Variants in BMP7 observed in about 807,000 individuals in gnomAD.
The protein encoded by BMP7 is osteogenic protein 1.
Under a neutral mutation model 41.2 loss-of-function variants are expected in BMP7, and 12 were observed. The ratio of observed to expected loss-of-function variants is 0.29; its 90% CI spans 0.19 to 0.47. The LOEUF (loss-of-function observed/expected upper bound fraction) is 0.47. Among genes scored for constraint, BMP7 ranks in the 20% least tolerant of loss-of-function variants. The pLI is 0.99. For synonymous variants in BMP7, 248 were observed against 250.0 expected (o/e 0.99, Z 0.07); for missense variants, 467 against 606.0 (o/e 0.77, Z 2.41).
chr20:57,176,794 G>A (rs1281236471), intron 4 of BMP7, among the ~76,000 whole-genome samples: 1 of 58,204 alleles, frequency 1.7e-5, no homozygotes, highest in Non-Finnish European at 4.2e-5. Context: ...ACACACACCT[G>A]TTAACTGTTT....
chr20:57,265,241 C>T (rs1020200040), intron 1 of BMP7, among the ~76,000 whole-genome samples: 1 of 152,160 alleles, frequency 6.6e-6, no homozygotes, highest in Non-Finnish European at 1.5e-5. Flanking sequence ...ACAGGTAGGG[C>T]TTGACAGGGA....
chr20:57,249,971 G>C (rs374548137), intron 1 of BMP7, among the ~76,000 whole-genome samples: 2 of 152,294 alleles, frequency 1.3e-5, no homozygotes, highest in African/African-American at 4.8e-5. Flanking sequence ...TCAGTAACTT[G>C]CCTGAGGACA....
intron 3 of BMP7, among the ~76,000 whole-genome samples, chr20:57,184,712 C>T (rs1421514631): frequency 6.6e-6 from 1 of 152,092 alleles, no homozygotes; most frequent in African/African-American, 2.4e-5. Context: ...TAGGATGAGC[C>T]TTAATCCAGT....
In BMP7 at chr20:57,184,071, G is replaced by C. The variant is rs539049191; in HGVS notation, c.761-152C>G. 4 of 942,662 alleles carry C rather than the reference G, an allele frequency of 4.2e-6. No homozygotes were observed. In the East Asian group the frequency reaches 1.1e-4, roughly 25 times the overall value. 58.4% of individuals were successfully genotyped at this position (942,662 alleles called of 1,614,324 possible). On this transcript the variant is annotated intron_variant, in intron 3 of 6. Coordinates refer to ENST00000395863, the MANE Select transcript of BMP7 (RefSeq NM_001719.3). ...TTATTGAGTACTCACTCTAGGCCAG[G>C]TACTGTTTAAGGAACTTGGAACACA...
At chr20:57,218,655 G>C (rs560424888) in intron 2 of BMP7, among the ~76,000 whole-genome samples, 1 of 151,228 alleles carries the variant, frequency 6.6e-6, no homozygotes, top group African/African-American at 2.4e-5. Flanking sequence ...GTGTTTGTTC[G>C]GTGGTAGCTG....
intron 1 of BMP7, among the ~76,000 whole-genome samples, chr20:57,247,191 A>G (rs1473648597): frequency 2.0e-5 from 3 of 152,224 alleles, no homozygotes; most frequent in African/African-American, 4.8e-5. Flanking sequence ...TCTAGACCCA[A>G]CTGATTCATG....
intron 1 of BMP7, among the ~76,000 whole-genome samples, chr20:57,236,875 C>G (rs1428702718): frequency 2.0e-5 from 3 of 152,148 alleles, no homozygotes; most frequent in African/African-American, 4.8e-5. Flanking sequence ...TTCATTTCCT[C>G]CTGAAGACGT....
At chr20:57,178,842 G>C (rs556139773) in intron 4 of BMP7, among the ~76,000 whole-genome samples, 1 of 152,284 alleles carries the variant, frequency 6.6e-6, no homozygotes, top group East Asian at 1.9e-4. Flanking sequence ...CTGTGTTCAG[G>C]CTCCGTCAGA....
chr20:57,202,453 T>C (rs1467671629), intron 3 of BMP7, 22 bp downstream of exon 3: 1 of 1,600,852 alleles, frequency 6.2e-7, no homozygotes, highest in African/African-American at 1.3e-5. Context: ...GCATTAGGAC[T>C]GGCAGTGGCC....
At chr20:57,260,518 C>A (rs2066149762) in intron 1 of BMP7, among the ~76,000 whole-genome samples, 1 of 152,146 alleles carries the variant, frequency 6.6e-6, no homozygotes, top group African/African-American at 2.4e-5. Flanking sequence ...TTAACAGTTT[C>A]TATGTAAATA....
At chr20:57,199,219 C>G (rs6025436) in intron 3 of BMP7, among the ~76,000 whole-genome samples, 2 of 152,162 alleles carry the variant, frequency 1.3e-5, no homozygotes, top group African/African-American at 4.8e-5. Context: ...TGCCCTTCCC[C>G]GTGCAGGATC....
intron 1 of BMP7, among the ~76,000 whole-genome samples, chr20:57,240,776 C>T (rs1479914867): frequency 6.6e-6 from 1 of 152,198 alleles, no homozygotes; most frequent in Non-Finnish European, 1.5e-5. Context: ...ACCATCAGAT[C>T]TTGTGAGAAT....
intron 2 of BMP7, among the ~76,000 whole-genome samples, chr20:57,223,480 G>C (rs906128058): frequency 2.1e-4 from 32 of 152,184 alleles, no homozygotes; most frequent in Non-Finnish European, 1.8e-4. Context: ...CTGAGCCCCA[G>C]GTGAGGGAAT....
chr20:57,262,021 T>A (rs1324183883), intron 1 of BMP7, among the ~76,000 whole-genome samples: 1 of 152,170 alleles, frequency 6.6e-6, no homozygotes, highest in Non-Finnish European at 1.5e-5. Flanking sequence ...TAATGATAGG[T>A]TTCCAACTTT....
intron 1 of BMP7, among the ~76,000 whole-genome samples, chr20:57,234,845 C>A (rs1254863586): frequency 2.0e-5 from 3 of 152,236 alleles, no homozygotes; most frequent in Non-Finnish European, 2.9e-5. Flanking sequence ...CTGCATTGAA[C>A]ACATTACTCT....
intron 4 of BMP7, among the ~76,000 whole-genome samples, chr20:57,178,254 G>C (rs370516385): frequency 3.3e-5 from 5 of 152,202 alleles, no homozygotes; most frequent in African/African-American, 1.2e-4. Context: ...GAGTAGCATC[G>C]GATAGAGGAT....
intron 1 of BMP7, among the ~76,000 whole-genome samples, chr20:57,234,427 C>T (rs1394973292): frequency 2.0e-5 from 3 of 152,154 alleles, no homozygotes; most frequent in Non-Finnish European, 2.9e-5. Flanking sequence ...AGGAGAGAGA[C>T]CTGCTGGGTT....
intron 1 of BMP7, among the ~76,000 whole-genome samples, chr20:57,251,891 G>A (rs530821736): frequency 2.0e-4 from 30 of 152,250 alleles, no homozygotes; most frequent in African/African-American, 5.1e-4. Flanking sequence ...CCGGGATCGC[G>A]CCACCGCACT....
intron 2 of BMP7, among the ~76,000 whole-genome samples, chr20:57,211,524 C>A (rs978690294): frequency 6.8e-6 from 1 of 146,240 alleles, no homozygotes; most frequent in African/African-American, 2.8e-5. Flanking sequence ...TATGCCACCT[C>A]CCAGGCCCTG....
Sources: allele counts gnomAD v4.1 joint callset (sites outside exome capture counted in the v4.1 genomes callset), GRCh38; gene constraint gnomAD v4.1.1; transcripts MANE v1.5; gene names NCBI Gene and HGNC (gene_info 2026-07-23, HGNC 2026-07-21).